The following CROCC2 variants were observed in gnomAD, a reference collection of about 807,000 sequenced individuals.
CROCC2 encodes ciliary rootlet coiled-coil, rootletin family member 2.
In CROCC2, 163 loss-of-function variants were observed where a neutral mutation model predicts 177.6. The ratio of observed to expected loss-of-function variants is 0.92; its 90% CI spans 0.81 to 1.05. CROCC2 has a LOEUF of 1.05. Among genes scored for constraint, CROCC2 ranks in the 50% least tolerant of loss-of-function variants. The pLI, the probability that CROCC2 is intolerant of heterozygous loss-of-function variation, is 0.00. For missense variants in CROCC2, 1,929 were observed against 1,797.8 expected, an observed-to-expected ratio of 1.07 and a Z score of -1.32; for synonymous variants, 904 against 787.3, an observed-to-expected ratio of 1.15 and a Z score of -2.48.
intron 19 of CROCC2, chr2:240,957,753 C>G (rs1408266205): frequency 1.9e-5 from 3 of 155,666 alleles, no homozygotes; most frequent in Non-Finnish European, 2.8e-5. Context: ...CCCCTCACTC[C>G]ATGAAGCCCC....
At chr2:240,950,039 G>A (rs1046265726) in intron 17 of CROCC2, among the ~76,000 whole-genome samples, 6 of 152,206 alleles carry the variant, frequency 3.9e-5, no homozygotes, top group African/African-American at 9.6e-5. Flanking sequence ...CAGGCTTCTG[G>A]AGGCCTGGTT....
At chr2:240,956,341 T>C (rs1414581281) in intron 19 of CROCC2, 3 of 247,382 alleles carry the variant, frequency 1.2e-5, no homozygotes, top group South Asian at 1.6e-4. Flanking sequence ...GCTGGGGACA[T>C]GAGCACCAGC....
At position 240,949,279 on chromosome 2, in the gene CROCC2, C is replaced by T. The variant is rs1257743952; in HGVS notation, c.2482+182C>T. 2.4e-6 allele frequency: 2 copies of T among 830,512 alleles called. No homozygotes were observed. Among genetic ancestry groups the T allele is most frequent in the East Asian group, 1.2e-4 (1 of 8,082 alleles). The allele number at this position is 830,512 out of a possible 1,614,324, so 51.4% of individuals were successfully genotyped here. A position where few individuals can be genotyped will look rare whatever the true frequency, so the allele number is the denominator to read the frequency against. On this transcript the variant is annotated intron_variant, in intron 16 of 31. Transcript: ENST00000690015. The surrounding 1 kb of genome is among the most constrained non-coding windows in gnomAD (Gnocchi z 4.5). ...CACCCTCGCCCATGAGGAGCAGCAA[C>T]ACCCTGCCCAGGCTGCACCTGGTGC...
In CROCC2 at chr2:240,965,396, G is replaced by T. The variant is rs2059673970; in HGVS notation, c.3481G>T (p.Ala1161Ser). The T allele has an allele frequency of 2.6e-6, 4 of 1,549,410 alleles. No homozygotes were observed. Among genetic ancestry groups the T allele is most frequent in the Admixed American group, 2.0e-5 (1 of 50,986 alleles). Residue 1161 changes from alanine (A) to serine (S), a missense_variant, in exon 23 of 32, where the codon GCC becomes TCC. Physicochemically the swap from Ala to Ser is moderately conservative, Grantham distance 99. Transcript: ENST00000690015. ...ACGCTCCCAGGTGAGGACACTGAAGGCCGAGAACCAGAGGAGGAGTGGAGA... is the reference window on the plus strand; with the variant it reads ...ACGCTCCCAGGTGAGGACACTGAAGTCCGAGAACCAGAGGAGGAGTGGAGA... ...ELHRQVRTLK[A>S]ENQRRSGEAH...
At chr2:240,962,423 C>G (rs1177308722) in intron 20 of CROCC2, among the ~76,000 whole-genome samples, 1 of 152,120 alleles carries the variant, frequency 6.6e-6, no homozygotes, top group Admixed American at 6.5e-5. Flanking sequence ...CCTTGACCTT[C>G]TGGGCGGGTT....
intron 7 of CROCC2, among the ~76,000 whole-genome samples, chr2:240,931,446 C>T (rs190967753): frequency 1.3e-5 from 2 of 152,312 alleles, no homozygotes; most frequent in African/African-American, 2.4e-5. Flanking sequence ...GAACATTCTT[C>T]TAGGGGCAAG....
At chr2:240,921,408 C>T (rs2059356354) in intron 3 of CROCC2, among the ~76,000 whole-genome samples, 1 of 152,212 alleles carries the variant, frequency 6.6e-6, no homozygotes, top group Non-Finnish European at 1.5e-5. Context: ...AGCCAGCCTA[C>T]TCTTCCTGGG....
Position 240,918,544 on chromosome 2 carries a change from C to T in CROCC2, c.79-182C>T, listed in dbSNP as rs903465006. ...GAACCTGGGGACAGGCGCAGCCCCA[C>T]TCCGCAGGTGCAGAACCAAGGCATG... On this transcript the variant is annotated intron_variant, in intron 1 of 31. Transcript: ENST00000690015. The surrounding 1 kb of genome is among the most constrained non-coding windows in gnomAD (Gnocchi z 6.3). 4.6e-5 allele frequency among the ~76,000 whole-genome samples: 7 copies of T among 152,362 alleles called. No individual in the cohort carries two copies. The South Asian group carries it at 1.2e-3, about 27-fold the overall frequency.
At chr2:240,975,518 G>A (rs1395611980) in intron 27 of CROCC2, among the ~76,000 whole-genome samples, 1 of 152,166 alleles carries the variant, frequency 6.6e-6, no homozygotes, top group African/African-American at 2.4e-5. Flanking sequence ...CCCAATTCCA[G>A]AGCCCAAAGG....
In CROCC2 at chr2:240,934,416, C is replaced by T. The variant is rs2059454288; in HGVS notation, c.1732C>T (p.Gln578Ter). 6 of 1,548,704 alleles carry T rather than the reference C, an allele frequency of 3.9e-6. No individual in the cohort carries two copies. The highest frequency in any genetic ancestry group is 5.2e-6 in the Non-Finnish European group (6 of 1,146,906). ...ASVREALSTA[Q>*]LQRDVVESER... ...GGTCCGGGAGGCACTGAGCACAGCA[C>T]AGCTGCAGCGGGATGTCGTGGAGAG... is the stretch of plus-strand genomic sequence containing the variant. The change falls in exon 12 of 32, where the codon CAG becomes TAG. Residue 578 changes from glutamine to a stop codon, truncating the protein, a stop_gained. Coordinates refer to ENST00000690015, the MANE Select transcript of CROCC2 (RefSeq NM_001351305.2). LOFTEE classifies it high-confidence loss of function.
At chr2:240,947,072 A>T (rs893776376) in intron 15 of CROCC2, among the ~76,000 whole-genome samples, 7 of 152,264 alleles carry the variant, frequency 4.6e-5, no homozygotes, top group Non-Finnish European at 1.0e-4. Flanking sequence ...TGTGCCTTAT[A>T]GGCCCTGCTT....
At chr2:240,929,710 C>G (rs1445861734) in intron 5 of CROCC2, 3 of 457,506 alleles carry the variant, frequency 6.6e-6, no homozygotes, top group Non-Finnish European at 1.3e-5. Flanking sequence ...AGGAGAAAGA[C>G]TGTACTGGAG....
intron 4 of CROCC2, 30 bp from the exon 5 acceptor site, chr2:240,925,694 C>T: frequency 2.9e-6 from 2 of 692,562 alleles, no homozygotes; most frequent in Admixed American, 2.2e-5. Flanking sequence ...GCTTCCTACC[C>T]CCACCATGCC....
At chr2:240,990,430 A>T (rs933619079) in intron 30 of CROCC2, among the ~76,000 whole-genome samples, 2 of 152,166 alleles carry the variant, frequency 1.3e-5, no homozygotes, top group Middle Eastern at 3.2e-3. Flanking sequence ...CTGTCTGTTC[A>T]TTTTACAGAT....
intron 19 of CROCC2, among the ~76,000 whole-genome samples, chr2:240,956,770 C>A (rs2059593281): frequency 6.6e-6 from 1 of 152,206 alleles, no homozygotes; most frequent in East Asian, 1.9e-4. Flanking sequence ...GGCTGGACAC[C>A]CACTGTTATT....
intron 31 of CROCC2, 114 bp downstream of exon 31, chr2:240,991,392 T>G (rs1056927484): frequency 3.4e-6 from 3 of 893,206 alleles, no homozygotes; most frequent in Non-Finnish European, 5.0e-6. Flanking sequence ...GGAACCACTG[T>G]TGGGAAAACC....
chr2:240,931,668 G>A (rs947523401), intron 7 of CROCC2, among the ~76,000 whole-genome samples: 1 of 152,216 alleles, frequency 6.6e-6, no homozygotes, highest in African/African-American at 2.4e-5. Flanking sequence ...CCCAGTGGAG[G>A]TCTAACCTGC....
chr2:240,984,455 G>C (rs112006517), intron 28 of CROCC2, among the ~76,000 whole-genome samples: 7,910 of 151,918 alleles, frequency 0.052, 671 homozygotes, highest in African/African-American at 0.18. Flanking sequence ...TGGGCCCACC[G>C]AGGAGGAGCC....
chr2:240,961,764 TCA>T (rs149063486), intron 20 of CROCC2, among the ~76,000 whole-genome samples: 10,196 of 90,800 alleles, frequency 0.11, 1,242 homozygotes, highest in Admixed American at 0.2. Flanking sequence ...GCACTGGCTC[TCA>T]CACACACACA....
Sources: gnomAD v4.1 joint callset for allele counts (sites outside exome capture counted in the v4.1 genomes callset) on GRCh38, gnomAD v4.1.1 for gene constraint, Gnocchi (gnomAD v3.1) non-coding constraint, MANE v1.5 for transcripts, NCBI Gene and HGNC (gene_info 2026-07-23, HGNC 2026-07-21) for gene names.